The following TLK1 variants were observed in gnomAD, a reference collection of about 807,000 sequenced individuals.
TLK1 encodes the protein tousled like kinase 1.
In TLK1, 24 loss-of-function variants were observed where a neutral mutation model predicts 105.3. The ratio of observed to expected loss-of-function variants is 0.23; its 90% CI spans 0.17 to 0.32. TLK1 has a LOEUF of 0.32. Ranked by LOEUF, TLK1 falls within the 10% of genes least tolerant of loss-of-function variation. The probability of loss-of-function intolerance (pLI) is 1.00; values close to 1 mark genes in which losing one functional copy is unlikely to be tolerated. For missense variants in TLK1, 558 were observed against 910.5 expected (o/e 0.61, Z 4.98); for synonymous variants, 321 against 310.4 (o/e 1.03, Z -0.36).
At chr2:170,995,409 C>G (rs1041174016) in intron 20 of TLK1, among the ~76,000 whole-genome samples, 1 of 152,090 alleles carries the variant, frequency 6.6e-6, no homozygotes, top group African/African-American at 2.4e-5. Context: ...CCCCTTAACC[C>G]TTCCTGGATT....
rs1687508688 is a variant in TLK1, at chr2:171,056,519, T to C, written c.501A>G (p.Ala167=). 1.2e-6 allele frequency: 2 copies of C among 1,612,350 alleles called. No individual in the cohort carries two copies. The highest frequency in any genetic ancestry group is 8.5e-7 in the Non-Finnish European group (1 of 1,179,092). Residue 167 remains alanine, a synonymous_variant, in exon 6 of 21, where the codon GCA becomes GCG. Transcript: ENST00000431350. ...GSSPVRGIPP[A]IRSPQNSHSH... ...AATGTGAATTTTGAGGAGAACGGAT[T>C]GCAGGAGGTATGCCTCTTACTGGAC...
chr2:171,034,672 T>C (rs1686232983), intron 11 of TLK1, among the ~76,000 whole-genome samples: 1 of 152,174 alleles, frequency 6.6e-6, no homozygotes, highest in African/African-American at 2.4e-5. Flanking sequence ...TGATGGTACA[T>C]AACACTGTGA....
intron 1 of TLK1, among the ~76,000 whole-genome samples, chr2:171,215,615 C>A (rs1257102030): frequency 6.6e-6 from 1 of 152,158 alleles, no homozygotes; most frequent in Non-Finnish European, 1.5e-5. Context: ...ATAGGCTTCC[C>A]TAATAGTGAT....
intron 4 of TLK1, among the ~76,000 whole-genome samples, chr2:171,059,753 C>T (rs572454919): frequency 4.6e-5 from 7 of 152,268 alleles, no homozygotes; most frequent in South Asian, 4.1e-4. Flanking sequence ...TGGGATGAAA[C>T]GGTTCCACCT....
chr2:171,123,827 CAAAA>C (rs1386285960), intron 1 of TLK1, among the ~76,000 whole-genome samples: 1 of 151,888 alleles, frequency 6.6e-6, no homozygotes, highest in Non-Finnish European at 1.5e-5. Flanking sequence ...AACAAACAAA[CAAAA>C]AAACACTGAT....
chr2:171,117,910 T>C, intron 1 of TLK1, 53 bp from the exon 2 acceptor site: 2 of 1,233,014 alleles, frequency 1.6e-6, no homozygotes, highest in Admixed American at 2.3e-5. Context: ...GTATACTTTA[T>C]ACTTACACAC....
intron 11 of TLK1, among the ~76,000 whole-genome samples, chr2:171,033,926 C>T (rs1575534971): frequency 7.3e-6 from 1 of 136,450 alleles, no homozygotes; most frequent in East Asian, 2.2e-4. Context: ...AACAACAAAA[C>T]AACAAACAGT....
At chr2:171,001,695 T>A (rs1559334187) in intron 18 of TLK1, among the ~76,000 whole-genome samples, 1 of 152,244 alleles carries the variant, frequency 6.6e-6, no homozygotes, top group African/African-American at 2.4e-5. Context: ...CATTTTTATT[T>A]TCCAGAAGAG....
chr2:171,220,700 A>C (rs1016282353), intron 1 of TLK1, among the ~76,000 whole-genome samples: 4 of 152,058 alleles, frequency 2.6e-5, no homozygotes, highest in African/African-American at 9.7e-5. Context: ...TCACCCATAC[A>C]ACTATGAAGA....
At chr2:170,996,016 G>A (rs563060088) in intron 20 of TLK1, among the ~76,000 whole-genome samples, 2 of 147,520 alleles carry the variant, frequency 1.4e-5, no homozygotes, top group Non-Finnish European at 3.0e-5. Context: ...TGGTTTTTTT[G>A]AGACAGGGTG....
At chr2:171,154,367 T>C (rs190680844) in intron 1 of TLK1, 1 of 152,052 alleles carries the variant, frequency 6.6e-6, no homozygotes, top group Admixed American at 6.5e-5. Context: ...GAGCCTCTAA[T>C]CCAATGCTCT....
intron 1 of TLK1, among the ~76,000 whole-genome samples, chr2:171,132,419 T>C (rs959037444): frequency 1.8e-4 from 27 of 152,080 alleles, no homozygotes; most frequent in Admixed American, 9.2e-4. Context: ...ACAGTAGTCA[T>C]ATATCCAGAA....
intron 3 of TLK1, among the ~76,000 whole-genome samples, chr2:171,075,070 A>C (rs1688439900): frequency 6.6e-6 from 1 of 152,114 alleles, no homozygotes; most frequent in South Asian, 2.1e-4. Context: ...AATATAGATA[A>C]ATTAAAATTT....
chr2:171,119,081 T>C (rs1431033213), intron 1 of TLK1, among the ~76,000 whole-genome samples: 6 of 152,222 alleles, frequency 3.9e-5, no homozygotes, highest in Non-Finnish European at 8.8e-5. Flanking sequence ...TATTCACAAG[T>C]ACCCTACCTC....
intron 20 of TLK1, among the ~76,000 whole-genome samples, chr2:170,995,468 G>C (rs899679156): frequency 6.6e-6 from 1 of 151,952 alleles, no homozygotes; most frequent in Non-Finnish European, 1.5e-5. Flanking sequence ...CCTAAGGAGA[G>C]AACCAGGAAT....
chr2:171,142,247 G>T (rs1194558980), intron 1 of TLK1, among the ~76,000 whole-genome samples: 1 of 152,074 alleles, frequency 6.6e-6, no homozygotes, highest in Non-Finnish European at 1.5e-5. Flanking sequence ...GAGAATAAGA[G>T]AAAGTTCAAA....
chr2:171,195,082 G>A (rs1422013477), intron 1 of TLK1, among the ~76,000 whole-genome samples: 1 of 152,074 alleles, frequency 6.6e-6, no homozygotes, highest in Admixed American at 6.5e-5. Flanking sequence ...TATACTTGCT[G>A]TCAGTAAAGA....
At chr2:171,089,399 T>A (rs1346234283) in intron 2 of TLK1, among the ~76,000 whole-genome samples, 1 of 152,230 alleles carries the variant, frequency 6.6e-6, no homozygotes, top group Non-Finnish European at 1.5e-5. Context: ...TTTTATTGCT[T>A]TACCTTTCCC....
chr2:171,058,315 A>G, intron 4 of TLK1, 118 bp from the exon 5 acceptor site: 1 of 912,570 alleles, frequency 1.1e-6, no homozygotes, highest in Non-Finnish European at 1.7e-6. Flanking sequence ...TGACATTTCA[A>G]TAGAGACATG....
Sources: allele counts gnomAD v4.1 joint callset (sites outside exome capture counted in the v4.1 genomes callset), GRCh38; gene constraint gnomAD v4.1.1; transcripts MANE v1.5; gene names NCBI Gene and HGNC (gene_info 2026-07-23, HGNC 2026-07-21).